MEI4: variants seen among roughly 807,000 people sequenced by gnomAD.
The protein encoded by MEI4 is meiosis-specific protein MEI4.
A neutral mutation model predicts 31.4 loss-of-function variants in MEI4; 27 were observed. That is an observed-to-expected ratio of 0.86 (90% CI 0.63 to 1.19). The LOEUF is 1.19. MEI4 is among the 50% of genes most tolerant of loss of function. The pLI is 0.00. For synonymous variants in MEI4, 122 were observed against 145.4 expected (o/e 0.84, Z 1.16); for missense variants, 329 against 398.9 (o/e 0.82, Z 1.49).
chr6:77,735,890 G>C (rs4269340), intron 2 of MEI4, among the ~76,000 whole-genome samples: 31,258 of 151,296 alleles, frequency 0.21, 3,682 homozygotes, highest in African/African-American at 0.31. Context: ...GGAGTACCCG[G>C]CCGTGTGAGG....
At chr6:77,745,342 T>C (rs577387832) in intron 2 of MEI4, among the ~76,000 whole-genome samples, 7 of 152,112 alleles carry the variant, frequency 4.6e-5, no homozygotes, top group African/African-American at 1.4e-4. Flanking sequence ...AAAACAGACT[T>C]TAAACCAACA....
At chr6:77,825,929 A>C (rs1262578729) in intron 3 of MEI4, among the ~76,000 whole-genome samples, 1 of 152,194 alleles carries the variant, frequency 6.6e-6, no homozygotes, top group Non-Finnish European at 1.5e-5. Flanking sequence ...TACTCTGTGC[A>C]TGCAGTTTAT....
intron 2 of MEI4, among the ~76,000 whole-genome samples, chr6:77,694,143 C>T: frequency 6.6e-6 from 1 of 151,826 alleles, no homozygotes; most frequent in East Asian, 1.9e-4. Context: ...TTATTATAAA[C>T]ACATCTCATT....
intron 4 of MEI4, among the ~76,000 whole-genome samples, chr6:77,875,698 T>A (rs1771316981): frequency 6.6e-6 from 1 of 152,172 alleles, no homozygotes; most frequent in South Asian, 2.1e-4. Context: ...TAAAGTTTTA[T>A]GACAACATAA....
intron 4 of MEI4, among the ~76,000 whole-genome samples, chr6:77,895,872 C>T (rs1008782824): frequency 6.6e-6 from 1 of 152,094 alleles, no homozygotes; most frequent in Non-Finnish European, 1.5e-5. Flanking sequence ...GCTTTTATTC[C>T]AGTTCCTGAA....
At chr6:77,800,560 G>A (rs547081722) in intron 3 of MEI4, among the ~76,000 whole-genome samples, 32 of 152,338 alleles carry the variant, frequency 2.1e-4, no homozygotes, top group Non-Finnish European at 4.3e-4. Context: ...GGGCATCCCT[G>A]TCTTGTGCCA....
At chr6:77,882,267 T>C (rs1323513994) in intron 4 of MEI4, among the ~76,000 whole-genome samples, 1 of 152,176 alleles carries the variant, frequency 6.6e-6, no homozygotes, top group Non-Finnish European at 1.5e-5. Context: ...ACTAACCGGA[T>C]AACTACACCA....
intron 2 of MEI4, chr6:77,716,921 G>T: frequency 1.1e-6 from 1 of 941,378 alleles, no homozygotes; most frequent in African/African-American, 1.8e-5. Flanking sequence ...CTTACTCACA[G>T]CTTTGTTGAA....
chr6:77,792,905 G>A (rs545001077), intron 3 of MEI4, among the ~76,000 whole-genome samples: 13 of 152,072 alleles, frequency 8.5e-5, no homozygotes, highest in Admixed American at 8.5e-4. Flanking sequence ...GTAGAGACAG[G>A]GTTTCACCAT....
intron 2 of MEI4, among the ~76,000 whole-genome samples, chr6:77,715,708 G>T (rs1344354139): frequency 6.6e-6 from 1 of 152,180 alleles, no homozygotes; most frequent in Non-Finnish European, 1.5e-5. Context: ...AAGAGTGTTA[G>T]CTATGGAATC....
chr6:77,756,857 CT>C lies in MEI4; in HGVS notation c.233-4272del, dbSNP rs562739909. Among the ~76,000 whole-genome samples, 1,057 of 152,254 alleles carry C rather than the reference CT, an allele frequency of 6.9e-3. 13 individuals are homozygous for C. Among genetic ancestry groups the C allele is most frequent in the African/African-American group, 0.024 (997 of 41,550 alleles). On this transcript the variant is annotated intron_variant, in intron 2 of 4. Transcript: ENST00000684080. ...CAAGTTTCAGCTCTAAGCATTTCCC[CT>C]GATGAGGTGTCTGCTACAGATGATT...
At chr6:77,913,816 G>A (rs1458152134) in intron 4 of MEI4, among the ~76,000 whole-genome samples, 3 of 151,042 alleles carry the variant, frequency 2.0e-5, no homozygotes, top group African/African-American at 4.9e-5. Flanking sequence ...GGCAGATCAC[G>A]AGGTCAGGAG....
In MEI4 at chr6:77,757,207, G is replaced by T. The variant is rs543453402; in HGVS notation, c.233-3923G>T. On this transcript the variant is annotated intron_variant, in intron 2 of 4. Coordinates refer to ENST00000684080, the MANE Select transcript of MEI4 (RefSeq NM_001322247.2). ...TCAGTTGAATTGTTTGATGAAGCTAGTTTGTATAATAAAATATGAATATAA... is the reference window on the plus strand; with the variant it reads ...TCAGTTGAATTGTTTGATGAAGCTATTTTGTATAATAAAATATGAATATAA... Among the ~76,000 whole-genome samples the T allele has an allele frequency of 3.3e-5, 5 of 152,266 alleles. No homozygotes were observed. In the East Asian group the frequency reaches 9.7e-4, roughly 29 times the overall value.
intron 4 of MEI4, among the ~76,000 whole-genome samples, chr6:77,892,987 G>A (rs1341532533): frequency 2.6e-5 from 4 of 152,236 alleles, no homozygotes; most frequent in South Asian, 2.1e-4. Flanking sequence ...GGGATTGCAG[G>A]AGCCTGCAGT....
chr6:77,878,908 T>C (rs1771411529), intron 4 of MEI4, among the ~76,000 whole-genome samples: 1 of 152,078 alleles, frequency 6.6e-6, no homozygotes, highest in Non-Finnish European at 1.5e-5. Flanking sequence ...TGGCAACGTA[T>C]AGACAGTTAC....
At chr6:77,706,099 A>G (rs1484346211) in intron 2 of MEI4, among the ~76,000 whole-genome samples, 4 of 152,164 alleles carry the variant, frequency 2.6e-5, no homozygotes, top group Non-Finnish European at 5.9e-5. Context: ...AAGGCAGGCC[A>G]TAGAAACTAG....
At chr6:77,872,423 C>T (rs2127725703) in intron 4 of MEI4, among the ~76,000 whole-genome samples, 1 of 151,960 alleles carries the variant, frequency 6.6e-6, no homozygotes, top group Non-Finnish European at 1.5e-5. Flanking sequence ...GCCACTTTAA[C>T]CCAACCTGAA....
intron 4 of MEI4, among the ~76,000 whole-genome samples, chr6:77,913,486 TTTTCTA>T (rs1581975297): frequency 6.6e-6 from 1 of 152,086 alleles, no homozygotes; most frequent in Non-Finnish European, 1.5e-5. Flanking sequence ...TCTGTTAAAG[TTTTCTA>T]TTTCTTTCTG....
At chr6:77,921,538 T>C (rs1011867104) in intron 4 of MEI4, among the ~76,000 whole-genome samples, 1 of 151,886 alleles carries the variant, frequency 6.6e-6, no homozygotes, top group Non-Finnish European at 1.5e-5. Flanking sequence ...TCAAGAACTC[T>C]TTCTTTGAAT....
Sources: gnomAD v4.1 joint callset for allele counts (sites outside exome capture counted in the v4.1 genomes callset) on GRCh38, gnomAD v4.1.1 for gene constraint, MANE v1.5 for transcripts, NCBI Gene and HGNC (gene_info 2026-07-23, HGNC 2026-07-21) for gene names.